The following CSE1L variants were observed in gnomAD, a reference collection of about 807,000 sequenced individuals.
CSE1L encodes chromosome segregation 1 like.
In CSE1L, 24 loss-of-function variants were observed where a neutral mutation model predicts 120.4. The ratio of observed to expected loss-of-function variants is 0.20; its 90% CI spans 0.14 to 0.28. The LOEUF (loss-of-function observed/expected upper bound fraction) is 0.28, where lower values mean the gene tolerates loss of function less well. CSE1L is among the 10% of genes least tolerant of loss of function. CSE1L has a pLI of 1.00. For synonymous variants in CSE1L, 402 were observed against 398.3 expected (o/e 1.01, Z -0.11); for missense variants, 830 against 1,145.2 (o/e 0.72, Z 3.97).
At chr20:49,075,563 G>A in intron 12 of CSE1L, 43 bp downstream of exon 12, 1 of 1,498,432 alleles carries the variant, frequency 6.7e-7, no homozygotes, top group Non-Finnish European at 9.3e-7. Context: ...ACAGACATCA[G>A]TGACACCCAC....
intron 13 of CSE1L, among the ~76,000 whole-genome samples, chr20:49,077,640 CT>C (rs1014476873): frequency 2.6e-5 from 4 of 152,034 alleles, no homozygotes; most frequent in African/African-American, 9.7e-5. Flanking sequence ...GCTTCCTTTT[CT>C]TTTTTATTTG....
At position 49,058,170 on chromosome 20, in the gene CSE1L, A is replaced by G. The variant is rs138955209; in HGVS notation, c.-11-283A>G. The stretch of plus-strand genomic sequence containing the variant: ...ATTAAATCATATAAACTTCTTGGTG[A>G]CTTCGAGCAGTCCTTCAGCTTTTTT... On this transcript the variant is annotated intron_variant, in intron 1 of 24. Coordinates refer to ENST00000262982, the MANE Select transcript of CSE1L (RefSeq NM_001316.4). Among the ~76,000 whole-genome samples, 300 of 151,924 alleles carry G rather than the reference A, an allele frequency of 2.0e-3. 1 individual carries two copies. Among genetic ancestry groups the G allele is most frequent in the African/African-American group, 6.9e-3 (285 of 41,446 alleles).
Position 49,090,930 on chromosome 20 carries a change from T to A in CSE1L, c.2280-7T>A, listed in dbSNP as rs1422808018. ...ATTTATATTGTTGATTTTTTTTAAT[T>A]CTTTAGTGAATCAGTTGACCAATAT... On this transcript the variant is annotated splice_polypyrimidine_tract_variant and splice_region_variant and intron_variant, in intron 20 of 24. Transcript: ENST00000262982. 1 of 1,601,828 alleles carries A rather than the reference T, an allele frequency of 6.2e-7. No individual in the cohort carries two copies.
chr20:49,076,714 A>T lies in CSE1L; in HGVS notation c.1336-266A>T, dbSNP rs1374885519. On this transcript the variant is annotated intron_variant, in intron 12 of 24. Transcript: ENST00000262982. ...CTGGCTAATTTTTTGTGTTTTTAGT[A>T]GAGACGGGGTTTTGCCATGTTGGCC... Among the ~76,000 whole-genome samples the T allele has an allele frequency of 5.9e-5, 9 of 151,292 alleles. 1 individual carries two copies. The South Asian group carries it at 1.9e-3, about 32-fold the overall frequency.
Position 49,072,678 on chromosome 20 carries a change from G to A in CSE1L, c.1047G>A (p.Val349=). The part of the protein sequence containing the change: ...TLTSICEKVI[V]PNMEFRAADE... ...CAAGTATCTGTGAAAAGGTTATTGT[G>A]CCTAACATGGAATTTAGAGGTAATT... The change falls in exon 10 of 25, where the codon GTG becomes GTA. Residue 349 remains valine (V), a synonymous_variant. Coordinates refer to ENST00000262982, the MANE Select transcript of CSE1L (RefSeq NM_001316.4). 1 of 1,610,172 alleles carries A rather than the reference G, an allele frequency of 6.2e-7. No homozygotes were observed. The highest frequency in any genetic ancestry group is 8.5e-7 in the Non-Finnish European group (1 of 1,178,930).
At chr20:49,076,794 G>A (rs920207467) in intron 12 of CSE1L, among the ~76,000 whole-genome samples, 186 bp from the exon 13 acceptor site, 12 of 152,066 alleles carry the variant, frequency 7.9e-5, no homozygotes, top group Non-Finnish European at 1.2e-4. Flanking sequence ...GCCTCCCAAA[G>A]TGCTGGGATT....
intron 7 of CSE1L, among the ~76,000 whole-genome samples, chr20:49,069,176 T>C (rs1196425955): frequency 6.6e-6 from 1 of 152,184 alleles, no homozygotes; most frequent in Non-Finnish European, 1.5e-5. Flanking sequence ...TGGGGAATCA[T>C]GTTTTGGTTA....
chr20:49,048,130 C>CTG (rs916374401), intron 1 of CSE1L, among the ~76,000 whole-genome samples: 1 of 149,318 alleles, frequency 6.7e-6, no homozygotes, highest in Non-Finnish European at 1.5e-5. Flanking sequence ...TGGCCTTTCT[C>CTG]TGTGTGTGTC....
chr20:49,079,967 G>C (rs143723536), intron 14 of CSE1L, among the ~76,000 whole-genome samples: 1 of 152,022 alleles, frequency 6.6e-6, no homozygotes, highest in African/African-American at 2.4e-5. Context: ...CCATCTACTC[G>C]GGAGGCTGAG....
At chr20:49,068,951 T>A in intron 7 of CSE1L, 129 bp downstream of exon 7, 1 of 651,822 alleles carries the variant, frequency 1.5e-6, no homozygotes, top group South Asian at 1.9e-5. Flanking sequence ...CTGACTCTAT[T>A]TATCTATAGT....
At chr20:49,050,260 C>T (rs1180160112) in intron 1 of CSE1L, among the ~76,000 whole-genome samples, 1 of 150,262 alleles carries the variant, frequency 6.7e-6, no homozygotes, top group African/African-American at 2.4e-5. Flanking sequence ...ACTCAGTCAC[C>T]CATACTGGAC....
chr20:49,051,034 A>G (rs1469070966), intron 1 of CSE1L, among the ~76,000 whole-genome samples: 1 of 152,250 alleles, frequency 6.6e-6, no homozygotes, highest in Non-Finnish European at 1.5e-5. Flanking sequence ...GTAAGGCTCT[A>G]GGGAGAGAGC....
chr20:49,070,331 T>G (rs903687516), intron 8 of CSE1L, 34 bp downstream of exon 8: 7 of 1,018,390 alleles, frequency 6.9e-6, no homozygotes, highest in Non-Finnish European at 9.0e-6. Context: ...AGTGGTCTTT[T>G]TCTTTCATTA....
chr20:49,047,564 C>CTTTTTTTTTTTTTTT lies in CSE1L; in HGVS notation c.-12+1155_-12+1169dup, dbSNP rs59986218. Among the ~76,000 whole-genome samples, 296 of 69,868 alleles carry CTTTTTTTTTTTTTTT rather than the reference C, an allele frequency of 4.2e-3. 48 individuals carry two copies. Among genetic ancestry groups the CTTTTTTTTTTTTTTT allele is most frequent in the African/African-American group, 8.6e-3 (112 of 12,984 alleles). The allele number at this position is 69,868 out of a possible 152,430, so 45.8% of individuals were successfully genotyped here. ...TCTTTTTCTTTTTCTTTTCTCTTTT[C>CTTTTTTTTTTTTTTT]TTTTTTTTTTTTTTTTTTTTTTTTT... On this transcript the variant is annotated intron_variant, in intron 1 of 24. Transcript: ENST00000262982.
Position 49,074,821 on chromosome 20 carries a change from A to G in CSE1L, c.1103A>G (p.Glu368Gly). The change falls in exon 11 of 25, where the codon GAG becomes GGG. Residue 368 changes from glutamate (E) to glycine (G), a missense_variant. By Grantham distance (98) the Glu-to-Gly change is moderately conservative (BLOSUM62 -2). Transcript: ENST00000262982. ...DEEAFEDNSE[E>G]YIRRDLEGSD... ...GAAGCATTTGAAGATAATTCTGAGG[A>G]GTACATAAGGAGAGATTTGGAAGGA... 6.2e-7 allele frequency: 1 copy of G among 1,612,986 alleles called. No individual in the cohort carries two copies. The highest frequency in any genetic ancestry group is 1.1e-5 in the South Asian group (1 of 90,864).
intron 6 of CSE1L, 33 bp from the exon 7 acceptor site, chr20:49,068,682 C>A: frequency 7.4e-7 from 1 of 1,354,738 alleles, no homozygotes; most frequent in Non-Finnish European, 1.1e-6. Flanking sequence ...GTTTATGATG[C>A]ACTAAAACCA....
chr20:49,048,892 C>G (rs1312659964), intron 1 of CSE1L, among the ~76,000 whole-genome samples: 1 of 152,188 alleles, frequency 6.6e-6, no homozygotes, highest in Non-Finnish European at 1.5e-5. Flanking sequence ...GAATGGTTCT[C>G]TAATGTGTTG....
At chr20:49,085,460 C>T (rs1243864672) in intron 16 of CSE1L, 74 bp downstream of exon 16, 1 of 998,438 alleles carries the variant, frequency 1.0e-6, no homozygotes. Flanking sequence ...CTGAGTTATA[C>T]TTCAGGTTAT....
At chr20:49,076,529 T>C (rs2091969866) in intron 12 of CSE1L, among the ~76,000 whole-genome samples, 1 of 141,610 alleles carries the variant, frequency 7.1e-6, no homozygotes, top group African/African-American at 2.6e-5. Context: ...TCTTTTTTTT[T>C]TTTTTTTTTT....
Sources: gnomAD v4.1 joint callset for allele counts (sites outside exome capture counted in the v4.1 genomes callset) on GRCh38, gnomAD v4.1.1 for gene constraint, MANE v1.5 for transcripts, NCBI Gene and HGNC (gene_info 2026-07-23, HGNC 2026-07-21) for gene names.